The following AKAP9 variants were observed in gnomAD, a reference collection of about 807,000 sequenced individuals.
AKAP9 encodes A-kinase anchoring protein 9.
Under a neutral mutation model 488.5 loss-of-function variants are expected in AKAP9, and 311 were observed. That is an observed-to-expected ratio of 0.64 (90% CI 0.58 to 0.70). The LOEUF (loss-of-function observed/expected upper bound fraction) is 0.70. Ranked by LOEUF, AKAP9 falls within the 30% of genes least tolerant of loss-of-function variation. AKAP9 has a pLI of 0.00. For missense variants in AKAP9, 4,215 were observed against 4,374.5 expected, an observed-to-expected ratio of 0.96 and a Z score of 1.03; for synonymous variants, 1,462 against 1,483.5, an observed-to-expected ratio of 0.99 and a Z score of 0.33.
chr7:91,984,991 G>T (rs1221409124), intron 3 of AKAP9, among the ~76,000 whole-genome samples: 1 of 151,854 alleles, frequency 6.6e-6, no homozygotes, highest in African/African-American at 2.4e-5. Context: ...TGTATCCTGA[G>T]ACTTTGCTTA....
intron 22 of AKAP9, chr7:92,058,078 A>G (rs541989314): frequency 1.6e-5 from 8 of 493,606 alleles, no homozygotes; most frequent in East Asian, 1.1e-4. Flanking sequence ...TTATACTGCT[A>G]TGGTAGATCT....
At chr7:91,941,254 A>T (rs1790715141) in intron 1 of AKAP9, 107 bp downstream of exon 1, 2 of 1,106,164 alleles carry the variant, frequency 1.8e-6, no homozygotes, top group African/African-American at 3.1e-5. Context: ...GCACTGCCCG[A>T]GAGGGAGGTG....
At chr7:92,081,455 C>T (rs1813536152) in intron 31 of AKAP9, among the ~76,000 whole-genome samples, 1 of 147,172 alleles carries the variant, frequency 6.8e-6, no homozygotes, top group East Asian at 2.0e-4. Flanking sequence ...CAGACACGCA[C>T]CACCACACCC....
intron 3 of AKAP9, among the ~76,000 whole-genome samples, chr7:91,985,042 A>C (rs146588039): frequency 6.6e-5 from 10 of 152,340 alleles, no homozygotes; most frequent in Non-Finnish European, 1.0e-4. Context: ...CTAAATATAC[A>C]ATCATGTCAT....
chr7:92,013,573 G>C (rs1321588327), intron 9 of AKAP9, among the ~76,000 whole-genome samples: 2 of 152,138 alleles, frequency 1.3e-5, no homozygotes, highest in South Asian at 2.1e-4. Flanking sequence ...GGTAAGAGTA[G>C]TGATTAGAAC....
In AKAP9 at chr7:91,940,869, CGTGGAGACGAA is replaced by C; in HGVS notation, c.-229_-219del. On this transcript the variant is annotated 5_prime_UTR_variant, in exon 1 of 50. Transcript: ENST00000356239. ...CCCCTCCCGCCTCGCCGTGTGTTTA[CGTGGAGACGAA>C]GATGGCGGCGGCGGCGGCGGTGACG... The C allele has an allele frequency of 1.7e-6, 1 of 586,252 alleles. No individual in the cohort carries two copies. The highest frequency in any genetic ancestry group is 3.1e-6 in the Non-Finnish European group (1 of 325,272). 36.3% of individuals were successfully genotyped at this position (586,252 alleles called of 1,614,324 possible).
At chr7:91,982,527 T>A (rs1796561688) in intron 3 of AKAP9, among the ~76,000 whole-genome samples, 1 of 152,212 alleles carries the variant, frequency 6.6e-6, no homozygotes, top group African/African-American at 2.4e-5. Flanking sequence ...GAACTCATCC[T>A]TTTTTATGGC....
At chr7:91,988,844 A>G (rs575820510) in intron 3 of AKAP9, among the ~76,000 whole-genome samples, 2 of 152,176 alleles carry the variant, frequency 1.3e-5, no homozygotes, top group Non-Finnish European at 2.9e-5. Context: ...CATGTGCACA[A>G]CATTCAGGTT....
chr7:91,952,844 G>C (rs1204418123), intron 1 of AKAP9, among the ~76,000 whole-genome samples: 2 of 152,114 alleles, frequency 1.3e-5, no homozygotes, highest in Non-Finnish European at 2.9e-5. Context: ...TTTAGAGGCA[G>C]AGTCTCACTC....
intron 45 of AKAP9, among the ~76,000 whole-genome samples, chr7:92,101,391 C>G (rs981906617): frequency 1.3e-5 from 2 of 151,014 alleles, no homozygotes; most frequent in African/African-American, 4.9e-5. Context: ...GAGCCGAGAT[C>G]GCGCCACTGC....
chr7:92,083,820 A>G (rs1202636734), intron 33 of AKAP9, 165 bp downstream of exon 33: 4 of 662,496 alleles, frequency 6.0e-6, no homozygotes, highest in Middle Eastern at 4.3e-4. Flanking sequence ...CTCCTAGTAC[A>G]ATATTCCTTT....
At chr7:91,972,771 G>C (rs1244981662) in intron 1 of AKAP9, among the ~76,000 whole-genome samples, 1 of 152,048 alleles carries the variant, frequency 6.6e-6, no homozygotes, top group Non-Finnish European at 1.5e-5. Flanking sequence ...ATTTAAATAA[G>C]AAAACTACAT....
rs1360962162 is a variant in AKAP9 at position 92,050,600 on chromosome 7, T to C, written c.5369-2126T>C. 2.6e-5 allele frequency among the ~76,000 whole-genome samples: 4 copies of C among 152,346 alleles called. No homozygotes were observed. The South Asian group carries it at 8.3e-4, about 32-fold the overall frequency. On this transcript the variant is annotated intron_variant, in intron 21 of 49. Coordinates refer to ENST00000356239, the MANE Select transcript of AKAP9 (RefSeq NM_005751.5). ...GGAACATCTCTCTCCTGCCTCTCTCTGATATTTTTTAACACAGGTTCTTTT... is the reference window on the plus strand; with the variant it reads ...GGAACATCTCTCTCCTGCCTCTCTCCGATATTTTTTAACACAGGTTCTTTT...
chr7:91,977,412 G>A (rs958025367), intron 2 of AKAP9, among the ~76,000 whole-genome samples: 4 of 152,148 alleles, frequency 2.6e-5, no homozygotes, highest in East Asian at 1.9e-4. Flanking sequence ...AAAAATTAGC[G>A]GGGCATGGTG....
At chr7:92,057,976 GT>G (rs944018960) in intron 22 of AKAP9, 4 of 232,886 alleles carry the variant, frequency 1.7e-5, no homozygotes, top group Non-Finnish European at 1.7e-5. Context: ...TAGATTTGTA[GT>G]TTTTTTCCTG....
At chr7:92,003,314 C>G (rs1799400221) in intron 8 of AKAP9, 79 bp downstream of exon 8, 2 of 1,063,324 alleles carry the variant, frequency 1.9e-6, no homozygotes, top group Non-Finnish European at 2.8e-6. Flanking sequence ...CTTCATAGAA[C>G]ATAAGTTCAT....
chr7:92,081,497 AT>A (rs376611467), intron 31 of AKAP9, among the ~76,000 whole-genome samples: 190 of 85,362 alleles, frequency 2.2e-3, no homozygotes, highest in Middle Eastern at 0.012. Flanking sequence ...ATATATATAT[AT>A]TTTTTTTTTT....
intron 2 of AKAP9, among the ~76,000 whole-genome samples, chr7:91,979,710 A>G (rs984764040): frequency 2.6e-5 from 4 of 152,226 alleles, no homozygotes; most frequent in Non-Finnish European, 5.9e-5. Context: ...ATAATGTATG[A>G]TAGTGCATCT....
intron 45 of AKAP9, among the ~76,000 whole-genome samples, chr7:92,102,175 AAATAAAT>A (rs1817637764): frequency 7.3e-6 from 1 of 136,302 alleles, no homozygotes; most frequent in Non-Finnish European, 1.5e-5. Context: ...AAAAAAAAAT[AAATAAAT>A]AAATAAATAA....
Sources: allele counts gnomAD v4.1 joint callset (sites outside exome capture counted in the v4.1 genomes callset), GRCh38; gene constraint gnomAD v4.1.1; transcripts MANE v1.5; gene names NCBI Gene and HGNC (gene_info 2026-07-23, HGNC 2026-07-21).